ZNF821: variants seen among roughly 807,000 people sequenced by gnomAD.
ZNF821 encodes zinc finger protein 821.
A neutral mutation model predicts 44.3 loss-of-function variants in ZNF821; 16 were observed. The observed-to-expected ratio is 0.36, with a 90% CI of 0.24 to 0.55. The LOEUF (loss-of-function observed/expected upper bound fraction) is 0.55, where lower values mean the gene tolerates loss of function less well. Ranked by LOEUF, ZNF821 falls within the 20% of genes least tolerant of loss-of-function variation. The pLI is 0.86. For missense variants in ZNF821, 436 were observed against 547.6 expected (o/e 0.80, Z 2.03); for synonymous variants, 204 against 197.6 (o/e 1.03, Z -0.27).
exon 1 of ZNF821, chr16:71,894,890 G>T (rs891274677): frequency 7.0e-7 from 1 of 1,428,910 alleles, no homozygotes; most frequent in Non-Finnish European, 9.5e-7. Context: ...TCTGAATACC[G>T]AGATAAATTA....
At position 71,859,735 on chromosome 16, in the gene ZNF821, G is replaced by T; in HGVS notation, c.*283C>A. On this transcript the variant is annotated 3_prime_UTR_variant, in exon 8 of 8. Coordinates refer to ENST00000425432, the MANE Select transcript of ZNF821 (RefSeq NM_001201552.2). ...TTCACAACTTCATGGGCCACACAGG[G>T]GCCCCACAGTCCTAGAAGCACAGCC... 1 of 420,330 alleles carries T rather than the reference G, an allele frequency of 2.4e-6. No homozygotes were observed. The highest frequency in any genetic ancestry group is 4.2e-6 in the Non-Finnish European group (1 of 237,942). 26.0% of individuals were successfully genotyped at this position (420,330 alleles called of 1,614,324 possible).
At chr16:71,893,985 G>A (rs904850983) in intron 1 of ZNF821, 7 of 151,456 alleles carry the variant, frequency 4.6e-5, no homozygotes, top group Non-Finnish European at 7.4e-5. Flanking sequence ...TCACAATGTT[G>A]GTCAGGCTGG....
At chr16:71,875,249 T>G (rs767599799) in intron 3 of ZNF821, among the ~76,000 whole-genome samples, 1 of 152,190 alleles carries the variant, frequency 6.6e-6, no homozygotes, top group Non-Finnish European at 1.5e-5. Context: ...GATATTCTCC[T>G]CACCTCCATG....
At chr16:71,873,938 C>T (rs904589634) in intron 3 of ZNF821, among the ~76,000 whole-genome samples, 5 of 149,420 alleles carry the variant, frequency 3.3e-5, no homozygotes, top group Non-Finnish European at 7.4e-5. Flanking sequence ...CAGGTGTGAG[C>T]GACCACGCCC....
At chr16:71,885,701 T>TGCAGAGAG (rs2036825142), upstream of ZNF821, among the ~76,000 whole-genome samples, 3 of 152,232 alleles carry the variant, frequency 2.0e-5, no homozygotes, top group Non-Finnish European at 2.9e-5. Flanking sequence ...TTGAGGGATC[T>TGCAGAGAG]TGGTCCTTCA....
At chr16:71,883,449 G>A (rs1259353576) in intron 1 of ZNF821, 176 bp from the exon 2 acceptor site, 1 of 336,170 alleles carries the variant, frequency 3.0e-6, no homozygotes, top group Non-Finnish European at 5.9e-6. Context: ...AAGAGCCGGA[G>A]GTCTTCCGAG....
At chr16:71,882,557 C>T (rs1280883874) in intron 2 of ZNF821, among the ~76,000 whole-genome samples, 1 of 152,144 alleles carries the variant, frequency 6.6e-6, no homozygotes, top group Non-Finnish European at 1.5e-5. Flanking sequence ...ATCAGCAATG[C>T]CCGCTGCATC....
chr16:71,868,042 T>A lies in ZNF821; in HGVS notation c.41-5A>T, dbSNP rs2034745645. Reference sequence around the variant, plus strand: ...GCCCAGCAAATACTTGATCCCCTGGTGGTCACAAGGAAAAATAGTCAGGCC... The same window carrying A: ...GCCCAGCAAATACTTGATCCCCTGGAGGTCACAAGGAAAAATAGTCAGGCC... On this transcript the variant is annotated splice_polypyrimidine_tract_variant and splice_region_variant and intron_variant, in intron 3 of 7. Transcript: ENST00000425432. 6.5e-7 allele frequency: 1 copy of A among 1,533,906 alleles called. No individual in the cohort carries two copies. The highest frequency in any genetic ancestry group is 8.7e-7 in the Non-Finnish European group (1 of 1,146,070).
At chr16:71,863,723 A>T (rs998233958) in intron 6 of ZNF821, among the ~76,000 whole-genome samples, 1 of 151,056 alleles carries the variant, frequency 6.6e-6, no homozygotes, top group Non-Finnish European at 1.5e-5. Flanking sequence ...TTTGAGACAG[A>T]GTCTAACTCT....
At position 71,860,310 on chromosome 16, in the gene ZNF821, C is replaced by T. The variant is rs770796805; in HGVS notation, c.947G>A (p.Arg316Gln). Residue 316 changes from arginine (R) to glutamine (Q), a missense_variant, in exon 8 of 8, where the codon CGG becomes CAG. Arg to Gln is a conservative substitution (Grantham distance 43). Coordinates refer to ENST00000425432, the MANE Select transcript of ZNF821 (RefSeq NM_001201552.2). This position sits in a 1 kb window ranked among gnomAD's most constrained non-coding sequence, Gnocchi z 7.3. ...CCGATCCCGCTGCAGCCGGCGTGCCCGCTGCTCGTCTGTCTCCTGCATGCG... is the reference window on the plus strand; with the variant it reads ...CCGATCCCGCTGCAGCCGGCGTGCCTGCTGCTCGTCTGTCTCCTGCATGCG... The part of the protein sequence containing the change: ...LQRMQETDEQ[R>Q]ARRLQRDREA... 4 of 1,612,688 alleles carry T rather than the reference C, an allele frequency of 2.5e-6. No homozygotes were observed. Among genetic ancestry groups the T allele is most frequent in the Non-Finnish European group, 3.4e-6 (4 of 1,179,974 alleles).
chr16:71,869,085 C>T (rs2142389547), intron 3 of ZNF821, among the ~76,000 whole-genome samples: 1 of 152,238 alleles, frequency 6.6e-6, no homozygotes, highest in South Asian at 2.1e-4. Context: ...ACTAAGTGCC[C>T]TTTTATTTCC....
At chr16:71,868,432 C>T (rs1311598112) in intron 3 of ZNF821, among the ~76,000 whole-genome samples, 1 of 152,164 alleles carries the variant, frequency 6.6e-6, no homozygotes, top group East Asian at 1.9e-4. Flanking sequence ...AGTCTCTGTA[C>T]CTTAATGTAT....
At chr16:71,867,018 C>T (rs2034617543) in intron 4 of ZNF821, among the ~76,000 whole-genome samples, 1 of 152,212 alleles carries the variant, frequency 6.6e-6, no homozygotes, top group Non-Finnish European at 1.5e-5. Context: ...TTTGTTCAGA[C>T]AGGTCACAGG....
chr16:71,893,029 C>CTTTTTTTTTTTT (rs1199482590), intron 1 of ZNF821, among the ~76,000 whole-genome samples: 1,312 of 65,882 alleles, frequency 0.02, 266 homozygotes, highest in African/African-American at 0.065. Flanking sequence ...CCCTGCCTGG[C>CTTTTTTTTTTTT]TTTTTTTTTT....
Position 71,860,132 on chromosome 16 carries a change from T to A in ZNF821, c.1125A>T (p.Ala375=), listed in dbSNP as rs748927472. 1.9e-6 allele frequency: 3 copies of A among 1,614,242 alleles called. No homozygotes were observed. Among genetic ancestry groups the A allele is most frequent in the Non-Finnish European group, 1.7e-6 (2 of 1,180,036 alleles). ...AQFGQDPSAM[A]ALAAEMNFFQ... is the part of the protein sequence containing the mutation. ...AGAAGTTCATTTCAGCTGCTAAGGC[T>A]GCCATGGCAGAAGGGTCCTGGCCAA... Residue 375 remains alanine (A), a synonymous_variant, in exon 8 of 8, where the codon GCA becomes GCT. Coordinates refer to ENST00000425432, the MANE Select transcript of ZNF821 (RefSeq NM_001201552.2). This position sits in a 1 kb window ranked among gnomAD's most constrained non-coding sequence, Gnocchi z 7.3.
intron 3 of ZNF821, among the ~76,000 whole-genome samples, chr16:71,877,251 T>C (rs189794957): frequency 7.9e-5 from 12 of 152,268 alleles, no homozygotes; most frequent in Non-Finnish European, 1.6e-4. Context: ...GCCTGGGATA[T>C]AGTTTTTTGG....
In ZNF821 at chr16:71,860,252, G is replaced by A; in HGVS notation, c.1005C>T (p.Thr335=). The change falls in exon 8 of 8, where the codon ACC becomes ACT. Residue 335 remains threonine, a synonymous_variant. Transcript: ENST00000425432. This position sits in a 1 kb window ranked among gnomAD's most constrained non-coding sequence, Gnocchi z 7.3. ...TGAGCCGGGCCTGCCGCTTTTCCGG[G>A]GTTTCATTGGCCCGCTTCAGCCTCA... ...EAMRLKRANE[T]PEKRQARLIR... 2 of 1,614,152 alleles carry A rather than the reference G, an allele frequency of 1.2e-6. No individual in the cohort carries two copies. The highest frequency in any genetic ancestry group is 1.7e-6 in the Non-Finnish European group (2 of 1,180,038).
At chr16:71,876,980 T>C (rs987733445) in intron 3 of ZNF821, among the ~76,000 whole-genome samples, 4 of 152,204 alleles carry the variant, frequency 2.6e-5, no homozygotes, top group South Asian at 4.1e-4. Context: ...AGCAGCAATT[T>C]CTAAATCTTC....
chr16:71,880,917 C>T (rs1464682645), intron 2 of ZNF821, among the ~76,000 whole-genome samples: 1 of 152,196 alleles, frequency 6.6e-6, no homozygotes, highest in East Asian at 1.9e-4. Flanking sequence ...GGGATATATA[C>T]GTAAGCCTGA....
Sources: allele counts gnomAD v4.1 joint callset (sites outside exome capture counted in the v4.1 genomes callset), GRCh38; gene constraint gnomAD v4.1.1; non-coding constraint Gnocchi (gnomAD v3.1); transcripts MANE v1.5; gene names NCBI Gene and HGNC (gene_info 2026-07-23, HGNC 2026-07-21).